USH2A: variants seen among roughly 807,000 people sequenced by gnomAD.
USH2A encodes Usher syndrome 2A (autosomal recessive, mild).
USH2A carries 443 observed loss-of-function variants against 538.9 expected under a neutral mutation model. The observed-to-expected ratio is 0.82, with a 90% confidence interval of 0.76 to 0.89. The LOEUF is 0.89. Among genes scored for constraint, USH2A ranks in the 40% least tolerant of loss-of-function variants. USH2A has a pLI of 0.00. For synonymous variants in USH2A, 2,413 were observed against 2,273.5 expected (o/e 1.06, Z -1.75); for missense variants, 6,633 against 6,324.8 (o/e 1.05, Z -1.65).
chr1:216,025,621 A>G (rs1279833659), intron 32 of USH2A, among the ~76,000 whole-genome samples: 1 of 152,074 alleles, frequency 6.6e-6, no homozygotes, highest in East Asian at 1.9e-4. Flanking sequence ...AGTTTTCAAT[A>G]GATGCTGTAT....
chr1:216,247,276 C>G, intron 12 of USH2A, 50 bp from the exon 13 acceptor site: 1 of 1,604,604 alleles, frequency 6.2e-7, no homozygotes, highest in South Asian at 1.1e-5. Context: ...TGATTTCATT[C>G]AAGATAGACG....
intron 11 of USH2A, among the ~76,000 whole-genome samples, chr1:216,284,598 G>A (rs562167385): frequency 2.0e-4 from 31 of 152,268 alleles, no homozygotes; most frequent in Admixed American, 3.9e-4. Context: ...GTAGTGGGGC[G>A]CTGCTGTAAA....
intron 61 of USH2A, among the ~76,000 whole-genome samples, chr1:215,688,126 GA>G: frequency 6.6e-6 from 1 of 152,196 alleles, no homozygotes; most frequent in Non-Finnish European, 1.5e-5. Flanking sequence ...GGTCCTTGAA[GA>G]AGTTACATTT....
At chr1:216,164,076 A>G (rs1024111767) in intron 21 of USH2A, among the ~76,000 whole-genome samples, 3 of 152,116 alleles carry the variant, frequency 2.0e-5, no homozygotes, top group African/African-American at 7.2e-5. Context: ...TTTCACTGCA[A>G]GACTTTAAGC....
At chr1:216,152,261 T>C (rs1488209060) in intron 21 of USH2A, among the ~76,000 whole-genome samples, 1 of 152,226 alleles carries the variant, frequency 6.6e-6, no homozygotes, top group Admixed American at 6.5e-5. Flanking sequence ...CCTGCACGTA[T>C]ACGCCCAGAT....
chr1:216,012,639 C>T (rs1571888233), intron 32 of USH2A, among the ~76,000 whole-genome samples: 1 of 152,222 alleles, frequency 6.6e-6, no homozygotes, highest in East Asian at 1.9e-4. Flanking sequence ...CTTTATATCC[C>T]TTACGGTCCT....
intron 13 of USH2A, among the ~76,000 whole-genome samples, chr1:216,245,643 AGTT>A (rs1206501848): frequency 6.6e-6 from 1 of 151,978 alleles, no homozygotes; most frequent in East Asian, 1.9e-4. Context: ...AACCAGTTCA[AGTT>A]GTTTTTTAAT....
rs1558027420 is a variant in USH2A at position 215,627,430 on chromosome 1, TTCCTTCCTTCCTTCCTTCC to T, written c.15519+1365_15519+1383del. Among the ~76,000 whole-genome samples the T allele has an allele frequency of 2.2e-3, 262 of 120,324 alleles. 5 individuals are homozygous for T. The highest frequency in any genetic ancestry group is 7.9e-3 in the African/African-American group (239 of 30,318). 78.9% of individuals were successfully genotyped at this position (120,324 alleles called of 152,430 possible). On this transcript the variant is annotated intron_variant, in intron 71 of 71. Transcript: ENST00000307340. ...CTTCCTTCCTTCCTTCCTTCCTTCCTTCCTTCCTTCCTTCCTTCCTTCCTTCCTTCCTTCCTTCCTTCCT... is the reference window on the plus strand; with the variant it reads ...CTTCCTTCCTTCCTTCCTTCCTTCCTTTCCTTCCTTCCTTCCTTCCTTCCT...
intron 62 of USH2A, among the ~76,000 whole-genome samples, chr1:215,678,529 T>C (rs1249730458): frequency 6.6e-6 from 1 of 152,248 alleles, no homozygotes; most frequent in African/African-American, 2.4e-5. Context: ...AGCTCAAATG[T>C]CAACTTGATT....
intron 21 of USH2A, among the ~76,000 whole-genome samples, chr1:216,121,451 A>T (rs1407362422): frequency 6.6e-6 from 1 of 151,338 alleles, no homozygotes; most frequent in African/African-American, 2.4e-5. Flanking sequence ...TTTTTATTTT[A>T]TTTTTTTGCC....
chr1:216,314,300 A>G (rs898753625), intron 9 of USH2A, among the ~76,000 whole-genome samples: 1 of 152,176 alleles, frequency 6.6e-6, no homozygotes, highest in African/African-American at 2.4e-5. Context: ...GTGTTTTTCA[A>G]AGATTAATAA....
intron 61 of USH2A, among the ~76,000 whole-genome samples, chr1:215,719,860 G>A (rs538750787): frequency 1.3e-5 from 2 of 152,214 alleles, no homozygotes; most frequent in South Asian, 2.1e-4. Context: ...TCAAGTGGAA[G>A]GATTTAAGAT....
At chr1:215,724,222 C>T (rs1571623024) in intron 61 of USH2A, among the ~76,000 whole-genome samples, 1 of 1,854 alleles carries the variant, frequency 5.4e-4, no homozygotes, top group African/African-American at 6.8e-4. Flanking sequence ...GAATGTGAAA[C>T]ACACACACAC....
intron 9 of USH2A, among the ~76,000 whole-genome samples, chr1:216,293,252 C>T (rs903066086): frequency 6.6e-6 from 1 of 152,164 alleles, no homozygotes; most frequent in Non-Finnish European, 1.5e-5. Flanking sequence ...TCTCGATCTC[C>T]TGACCTCGTG....
intron 38 of USH2A, among the ~76,000 whole-genome samples, chr1:215,920,147 G>C (rs1341762102): frequency 6.6e-6 from 1 of 151,986 alleles, no homozygotes; most frequent in Non-Finnish European, 1.5e-5. Context: ...CCCCTGTTGT[G>C]TTTCTCAAAG....
In USH2A at chr1:215,677,845, C is replaced by T. The variant is rs980334731; in HGVS notation, c.12295-2229G>A. Among the ~76,000 whole-genome samples the T allele has an allele frequency of 3.5e-4, 54 of 152,184 alleles. 1 individual carries two copies. The highest frequency in any genetic ancestry group is 4.6e-4 in the Non-Finnish European group (31 of 68,040). ...GGTTTATATAACATCCACCTGCTAACGGATTCTGAACATTTATCCCAGCAA... is the reference window on the plus strand; with the variant it reads ...GGTTTATATAACATCCACCTGCTAATGGATTCTGAACATTTATCCCAGCAA... On this transcript the variant is annotated intron_variant, in intron 62 of 71. Transcript: ENST00000307340.
intron 21 of USH2A, among the ~76,000 whole-genome samples, chr1:216,103,046 A>G (rs941557226): frequency 3.3e-5 from 5 of 152,246 alleles, no homozygotes; most frequent in Non-Finnish European, 7.3e-5. Context: ...ACAAACATGG[A>G]TTGTGTAAGA....
chr1:216,417,947 C>G (rs1356328897), intron 3 of USH2A, among the ~76,000 whole-genome samples: 1 of 152,050 alleles, frequency 6.6e-6, no homozygotes, highest in African/African-American at 2.4e-5. Flanking sequence ...AAATACCAGA[C>G]ATGTCACAGC....
chr1:216,190,620 T>G (rs1395742933), intron 19 of USH2A, among the ~76,000 whole-genome samples: 5 of 151,820 alleles, frequency 3.3e-5, no homozygotes, highest in Admixed American at 6.6e-5. Context: ...ACCAAGTTAT[T>G]GCCTCATAAA....
Sources: gnomAD v4.1 joint callset for allele counts (sites outside exome capture counted in the v4.1 genomes callset) on GRCh38, gnomAD v4.1.1 for gene constraint, MANE v1.5 for transcripts, NCBI Gene and HGNC (gene_info 2026-07-23, HGNC 2026-07-21) for gene names.